AGPS: variants seen among roughly 807,000 people sequenced by gnomAD.
AGPS encodes the protein alkyldihydroxyacetonephosphate synthase, peroxisomal.
A neutral mutation model predicts 90.7 loss-of-function variants in AGPS; 26 were observed. The observed-to-expected ratio is 0.29, with a 90% CI of 0.21 to 0.40. The LOEUF (loss-of-function observed/expected upper bound fraction) is 0.40. Among genes scored for constraint, AGPS ranks in the 10% least tolerant of loss-of-function variants. The pLI, the probability that AGPS is intolerant of heterozygous loss-of-function variation, is 1.00. For synonymous variants in AGPS, 294 were observed against 285.3 expected (o/e 1.03, Z -0.31); for missense variants, 540 against 816.1 (o/e 0.66, Z 4.12).
intron 11 of AGPS, among the ~76,000 whole-genome samples, chr2:177,486,699 C>T (rs1031203241): frequency 7.4e-5 from 4 of 53,770 alleles, no homozygotes; most frequent in Non-Finnish European, 1.7e-4. Context: ...AAAGAACATA[C>T]ATGACTGTTC....
chr2:177,404,780 A>G (rs938294330), intron 1 of AGPS, among the ~76,000 whole-genome samples: 4 of 152,214 alleles, frequency 2.6e-5, no homozygotes, highest in African/African-American at 7.2e-5. Context: ...CTTTACAACT[A>G]TTAGACTACT....
rs549561619 is a variant in AGPS at position 177,453,938 on chromosome 2, C to T, written c.871-7955C>T. 2.8e-4 allele frequency among the ~76,000 whole-genome samples: 42 copies of T among 148,058 alleles called. No individual in the cohort carries two copies. The Middle Eastern group carries it at 0.01, about 37-fold the overall frequency. ...CCGATCTCAGGTGATCCGCCCACCT[C>T]GGCCTCCCAAAGTGCTGGGATTATA... On this transcript the variant is annotated intron_variant, in intron 8 of 19. Transcript: ENST00000264167.
chr2:177,440,541 AAAG>A (rs1197866551), intron 5 of AGPS, among the ~76,000 whole-genome samples: 1 of 152,154 alleles, frequency 6.6e-6, no homozygotes, highest in Admixed American at 6.5e-5. Flanking sequence ...GCCTATTTTT[AAAG>A]AAGACACAAG....
At chr2:177,485,041 T>A (rs1251119497) in intron 11 of AGPS, among the ~76,000 whole-genome samples, 1 of 152,200 alleles carries the variant, frequency 6.6e-6, no homozygotes. Flanking sequence ...GTGTAGAGAT[T>A]GCTGGCATGA....
intron 16 of AGPS, among the ~76,000 whole-genome samples, chr2:177,510,327 A>G (rs1688833319): frequency 6.6e-6 from 1 of 152,160 alleles, no homozygotes; most frequent in Admixed American, 6.5e-5. Flanking sequence ...ATATCTTTTT[A>G]TAAAGCACTC....
rs751768857 is a variant in AGPS, at chr2:177,516,103, C to G, written c.1697+2195C>G. Among the ~76,000 whole-genome samples the G allele has an allele frequency of 4.6e-5, 7 of 152,070 alleles. No homozygotes were observed. The South Asian group carries it at 1.5e-3, about 32-fold the overall frequency. Reference sequence around the variant, plus strand: ...CACTTAACAAACGTGTGCATAGACCCCCATATCTAAAATCAAAGTTGAAAT... The same window carrying G: ...CACTTAACAAACGTGTGCATAGACCGCCATATCTAAAATCAAAGTTGAAAT... On this transcript the variant is annotated intron_variant, in intron 17 of 19. Transcript: ENST00000264167.
rs2079229766 is a variant in AGPS, at chr2:177,541,007, T to C, written c.*2812T>C. 6.6e-6 allele frequency: 1 copy of C among 152,148 alleles called. No individual in the cohort carries two copies. Among genetic ancestry groups the C allele is most frequent in the Non-Finnish European group, 1.5e-5 (1 of 67,994 alleles). 9.4% of individuals were successfully genotyped at this position (152,148 alleles called of 1,614,324 possible). A position where few individuals can be genotyped will look rare whatever the true frequency, so the allele number is the denominator to read the frequency against. On this transcript the variant is annotated 3_prime_UTR_variant, in exon 20 of 20. Transcript: ENST00000264167. ...GGAAACCACATGTTTATTGTGCCCATCATTTTACACAAAGAAAAGAGGATT... is the reference window on the plus strand; with the variant it reads ...GGAAACCACATGTTTATTGTGCCCACCATTTTACACAAAGAAAAGAGGATT...
intron 2 of AGPS, among the ~76,000 whole-genome samples, chr2:177,427,639 A>T (rs1294647991): frequency 6.6e-6 from 1 of 151,942 alleles, no homozygotes; most frequent in Non-Finnish European, 1.5e-5. Context: ...ATGTAGTTGT[A>T]TGGTTTTGGG....
At position 177,538,225 on chromosome 2, in the gene AGPS, A is replaced by G; in HGVS notation, c.*30A>G. 6.2e-7 allele frequency: 1 copy of G among 1,605,820 alleles called. No homozygotes were observed. The highest frequency in any genetic ancestry group is 8.5e-7 in the Non-Finnish European group (1 of 1,173,350). ...ATTAGTACCATTACAAAAAAATGTCAATTTTTTTTTTAAGTTTTCAACTGT... is the reference window on the plus strand; with the variant it reads ...ATTAGTACCATTACAAAAAAATGTCGATTTTTTTTTTAAGTTTTCAACTGT... On this transcript the variant is annotated 3_prime_UTR_variant, in exon 20 of 20. Transcript: ENST00000264167.
At chr2:177,472,376 G>C (rs1416199369) in intron 10 of AGPS, among the ~76,000 whole-genome samples, 1 of 149,956 alleles carries the variant, frequency 6.7e-6, no homozygotes, top group Non-Finnish European at 1.5e-5. Flanking sequence ...TTTTGGTTCT[G>C]TTTCTTTCCT....
rs2079225919 is a variant in AGPS at position 177,540,623 on chromosome 2, C to T, written c.*2428C>T. Reference sequence around the variant, plus strand: ...GAAAATGGCTTCATAAAAGTTAAGTCAGGAGAACACTGTTTACATGACACT... The same window carrying T: ...GAAAATGGCTTCATAAAAGTTAAGTTAGGAGAACACTGTTTACATGACACT... On this transcript the variant is annotated 3_prime_UTR_variant, in exon 20 of 20. Transcript: ENST00000264167. 6.6e-6 allele frequency: 1 copy of T among 152,022 alleles called. No individual in the cohort carries two copies. Among genetic ancestry groups the T allele is most frequent in the Non-Finnish European group, 1.5e-5 (1 of 67,922 alleles). The allele number at this position is 152,022 out of a possible 1,614,324, so 9.4% of individuals were successfully genotyped here. A position where few individuals can be genotyped will look rare whatever the true frequency, so the allele number is the denominator to read the frequency against.
intron 12 of AGPS, among the ~76,000 whole-genome samples, chr2:177,495,476 A>G (rs1017099167): frequency 6.6e-6 from 1 of 152,208 alleles, no homozygotes; most frequent in East Asian, 1.9e-4. Context: ...GAGTTTTTGC[A>G]CTGTCTGTAA....
intron 7 of AGPS, among the ~76,000 whole-genome samples, chr2:177,443,182 C>T (rs1686660324): frequency 6.6e-6 from 1 of 152,068 alleles, no homozygotes; most frequent in African/African-American, 2.4e-5. Flanking sequence ...ATTATTATCA[C>T]TCCTGGCAAA....
At chr2:177,438,750 T>A (rs1460480634) in intron 5 of AGPS, among the ~76,000 whole-genome samples, 3 of 152,236 alleles carry the variant, frequency 2.0e-5, no homozygotes, top group Non-Finnish European at 4.4e-5. Flanking sequence ...TATTCCTGGC[T>A]GAATCAAGTT....
chr2:177,442,977 A>T (rs1003198588), intron 7 of AGPS, among the ~76,000 whole-genome samples: 6 of 151,220 alleles, frequency 4.0e-5, no homozygotes, highest in Non-Finnish European at 5.9e-5. Context: ...CCAAATTTGA[A>T]TTTTTTTTTC....
chr2:177,404,364 TC>T (rs1186195388), intron 1 of AGPS, among the ~76,000 whole-genome samples: 7 of 152,178 alleles, frequency 4.6e-5, no homozygotes, highest in African/African-American at 1.7e-4. Flanking sequence ...TAATGTACAT[TC>T]CGTGCTTATT....
intron 6 of AGPS, among the ~76,000 whole-genome samples, chr2:177,441,822 C>T (rs1686611778): frequency 6.6e-6 from 1 of 152,166 alleles, no homozygotes; most frequent in South Asian, 2.1e-4. Context: ...GTTAAGACAA[C>T]AGTGTGTTTA....
In AGPS at chr2:177,461,976, A is replaced by G. The variant is rs745413439; in HGVS notation, c.954A>G (p.Ala318=). The change falls in exon 9 of 20, where the codon GCA becomes GCG. Residue 318 remains alanine (A), a synonymous_variant. Transcript: ENST00000264167. ...STVGGWVSTR[A]SGMKKNIYGN... ...TAGGAGGATGGGTATCTACTCGCGCATCAGGCATGAAGAAGAATATCTATG... is the reference window on the plus strand; with the variant it reads ...TAGGAGGATGGGTATCTACTCGCGCGTCAGGCATGAAGAAGAATATCTATG... The G allele has an allele frequency of 6.2e-7, 1 of 1,612,664 alleles. No homozygotes were observed. The highest frequency in any genetic ancestry group is 8.5e-7 in the Non-Finnish European group (1 of 1,179,098).
rs2079201504 is a variant in AGPS, at chr2:177,538,246, A to G, written c.*51A>G. Reference sequence around the variant, plus strand: ...TGTCAATTTTTTTTTTAAGTTTTCAACTGTGGTTATACTAGTAATCAAATA... The same window carrying G: ...TGTCAATTTTTTTTTTAAGTTTTCAGCTGTGGTTATACTAGTAATCAAATA... On this transcript the variant is annotated 3_prime_UTR_variant, in exon 20 of 20. Transcript: ENST00000264167. The G allele has an allele frequency of 1.9e-6, 3 of 1,566,364 alleles. No homozygotes were observed. Among genetic ancestry groups the G allele is most frequent in the Middle Eastern group, 1.7e-4 (1 of 5,934 alleles).
Sources: allele counts gnomAD v4.1 joint callset (sites outside exome capture counted in the v4.1 genomes callset), GRCh38; gene constraint gnomAD v4.1.1; transcripts MANE v1.5; gene names NCBI Gene and HGNC (gene_info 2026-07-23, HGNC 2026-07-21).